Variants in DTNA observed in about 807,000 individuals in gnomAD.
The protein encoded by DTNA is dystrophin-related protein 3.
A neutral mutation model predicts 100.7 loss-of-function variants in DTNA; 43 were observed. The observed-to-expected ratio is 0.43, with a 90% CI of 0.33 to 0.55. The LOEUF (loss-of-function observed/expected upper bound fraction) is 0.55, where lower values mean the gene tolerates loss of function less well. Ranked by LOEUF, DTNA falls within the 20% of genes least tolerant of loss-of-function variation. The probability of loss-of-function intolerance (pLI) is 0.04; values close to 1 mark genes in which losing one functional copy is unlikely to be tolerated. For missense variants in DTNA, 798 were observed against 953.9 expected (o/e 0.84, Z 2.15); for synonymous variants, 349 against 347.9 (o/e 1.00, Z -0.04).
At chr18:34,629,896 G>C (rs1163590091) in intron 1 of DTNA, among the ~76,000 whole-genome samples, 1 of 152,154 alleles carries the variant, frequency 6.6e-6, no homozygotes, top group African/African-American at 2.4e-5. Context: ...ATACATGCCT[G>C]CTGGGCCTCT....
chr18:34,503,327 G>T (rs1319324761), intron 1 of DTNA, among the ~76,000 whole-genome samples: 9 of 104,646 alleles, frequency 8.6e-5, no homozygotes, highest in African/African-American at 1.1e-4. Context: ...TCACTCTGTT[G>T]CCCAGGCTGG....
intron 1 of DTNA, among the ~76,000 whole-genome samples, chr18:34,506,573 G>T (rs1450190311): frequency 1.3e-5 from 2 of 152,106 alleles, no homozygotes; most frequent in Non-Finnish European, 2.9e-5. Flanking sequence ...GCCTAAATTT[G>T]TTTTTTTATC....
At chr18:34,751,872 G>A (rs2092349907) in intron 1 of DTNA, among the ~76,000 whole-genome samples, 1 of 152,076 alleles carries the variant, frequency 6.6e-6, no homozygotes, top group East Asian at 1.9e-4. Flanking sequence ...TTAATCTTTG[G>A]GTCTCAAGAA....
At chr18:34,886,508 T>G (rs972445172) in intron 22 of DTNA, among the ~76,000 whole-genome samples, 2 of 152,246 alleles carry the variant, frequency 1.3e-5, no homozygotes, top group Non-Finnish European at 2.9e-5. Context: ...ATTGTTGTTC[T>G]GCACATTATT....
At chr18:34,722,856 T>G (rs2085676343) in intron 1 of DTNA, among the ~76,000 whole-genome samples, 1 of 152,218 alleles carries the variant, frequency 6.6e-6, no homozygotes, top group African/African-American at 2.4e-5. Context: ...GTATAATTGT[T>G]TTGTGACTTA....
chr18:34,635,711 T>C (rs1258069350), intron 1 of DTNA, among the ~76,000 whole-genome samples: 1 of 152,166 alleles, frequency 6.6e-6, no homozygotes, highest in Non-Finnish European at 1.5e-5. Context: ...ACACGAATTT[T>C]GTTAATATAA....
At chr18:34,553,700 C>T (rs1454655525) in intron 1 of DTNA, among the ~76,000 whole-genome samples, 5 of 150,458 alleles carry the variant, frequency 3.3e-5, no homozygotes, top group East Asian at 1.9e-4. Flanking sequence ...AGATATGCGG[C>T]GTTATTTCTG....
chr18:34,729,710 T>C (rs1465958557), intron 1 of DTNA, among the ~76,000 whole-genome samples: 1 of 152,092 alleles, frequency 6.6e-6, no homozygotes, highest in African/African-American at 2.4e-5. Context: ...CTCTCAAAGA[T>C]ACAAAAGTAA....
intron 1 of DTNA, among the ~76,000 whole-genome samples, chr18:34,591,513 T>C (rs2049720229): frequency 6.6e-6 from 1 of 152,214 alleles, no homozygotes; most frequent in Non-Finnish European, 1.5e-5. Flanking sequence ...GAACCATTGA[T>C]GGCCGCACGT....
chr18:34,714,491 C>T (rs1353481962), intron 1 of DTNA, among the ~76,000 whole-genome samples: 75 of 146,314 alleles, frequency 5.1e-4, no homozygotes, highest in Admixed American at 8.1e-4. Context: ...AAATGCTCAC[C>T]ATCACTGGCC....
At chr18:34,570,836 C>A (rs565972812) in intron 1 of DTNA, among the ~76,000 whole-genome samples, 5 of 152,204 alleles carry the variant, frequency 3.3e-5, no homozygotes, top group Admixed American at 2.6e-4. Flanking sequence ...TAAGGCAGAG[C>A]TACATGGGGA....
At chr18:34,858,039 C>T (rs1000224330) in intron 15 of DTNA, among the ~76,000 whole-genome samples, 5 of 152,184 alleles carry the variant, frequency 3.3e-5, no homozygotes, top group African/African-American at 1.2e-4. Flanking sequence ...CAACGACATG[C>T]TGCAGAAGCT....
intron 1 of DTNA, among the ~76,000 whole-genome samples, chr18:34,657,639 A>G (rs1438583295): frequency 6.6e-6 from 1 of 152,210 alleles, no homozygotes; most frequent in Non-Finnish European, 1.5e-5. Context: ...TTTTTCATAC[A>G]TCACTCTCCA....
rs370232415 is a variant in DTNA at position 34,879,486 on chromosome 18, C to G, written c.1994-65C>G. ...ACAGGTTGATTTGTGAAGCCTACTC[C>G]TTTATTTGCAGGTCATAAAAAAATC... is the stretch of plus-strand genomic sequence containing the variant. On this transcript the variant is annotated intron_variant, in intron 19 of 22. Coordinates refer to ENST00000444659, the MANE Select transcript of DTNA (RefSeq NM_001386795.1). The G allele has an allele frequency of 4.5e-6, 7 of 1,551,418 alleles. No individual in the cohort carries two copies. The African/African-American group carries it at 5.4e-5, about 12-fold the overall frequency.
intron 13 of DTNA, among the ~76,000 whole-genome samples, chr18:34,839,730 T>C (rs991611637): frequency 5.9e-5 from 9 of 152,324 alleles, no homozygotes; most frequent in Admixed American, 2.0e-4. Flanking sequence ...TAGTTACAAT[T>C]ATTAAGAAAG....
At chr18:34,829,336 T>C in intron 10 of DTNA, 64 bp from the exon 11 acceptor site, 2 of 1,529,928 alleles carry the variant, frequency 1.3e-6, no homozygotes, top group Non-Finnish European at 1.7e-6. Context: ...GTCTTTCCTC[T>C]CTGAGTGGGC....
In DTNA at chr18:34,890,425, T is replaced by C. The variant is rs2096959398; in HGVS notation, c.*2691T>C. ...TTTCCTTGGCTCTCCAGATTTACTT[T>C]TGGGGCCTGTTCTAAGTGCAAACCC... On this transcript the variant is annotated 3_prime_UTR_variant, in exon 23 of 23. Coordinates refer to ENST00000444659, the MANE Select transcript of DTNA (RefSeq NM_001386795.1). 4 of 1,536,148 alleles carry C rather than the reference T, an allele frequency of 2.6e-6. No homozygotes were observed. Among genetic ancestry groups the C allele is most frequent in the Non-Finnish European group, 3.5e-6 (4 of 1,146,914 alleles).
intron 3 of DTNA, among the ~76,000 whole-genome samples, chr18:34,776,141 T>G (rs2094034861): frequency 6.6e-6 from 1 of 152,132 alleles, no homozygotes; most frequent in Non-Finnish European, 1.5e-5. Flanking sequence ...TCAGCGCTAT[T>G]TACCGAAAAC....
rs80177589 is a variant in DTNA, at chr18:34,847,719, C to T, written c.1347-577C>T. ...CAGACCAAGAGAGCTAAAGAGAAAA[C>T]AAGCAAGTCCAAGATGGAAGCCATG... On this transcript the variant is annotated intron_variant, in intron 13 of 22. Coordinates refer to ENST00000444659, the MANE Select transcript of DTNA (RefSeq NM_001386795.1). Among the ~76,000 whole-genome samples, 842 of 152,230 alleles carry T rather than the reference C, an allele frequency of 5.5e-3. 6 individuals are homozygous for T. Among genetic ancestry groups the T allele is most frequent in the Non-Finnish European group, 6.9e-3 (472 of 67,998 alleles).
Sources: gnomAD v4.1 joint callset for allele counts (sites outside exome capture counted in the v4.1 genomes callset) on GRCh38, gnomAD v4.1.1 for gene constraint, MANE v1.5 for transcripts, NCBI Gene and HGNC (gene_info 2026-07-23, HGNC 2026-07-21) for gene names.